GRIA3: variants seen among roughly 807,000 people sequenced by gnomAD.
GRIA3 encodes the protein glutamate receptor 3.
GRIA3 carries 3 observed loss-of-function variants against 63.0 expected under a neutral mutation model. The ratio of observed to expected loss-of-function variants is 0.05; its 90% CI spans 0.02 to 0.12. The LOEUF is 0.12. GRIA3 is among the 10% of genes least tolerant of loss of function. The pLI is 1.00. For missense variants in GRIA3, 347 were observed against 700.9 expected, an observed-to-expected ratio of 0.50 and a Z score of 5.70; for synonymous variants, 274 against 257.9, an observed-to-expected ratio of 1.06 and a Z score of -0.60.
intron 12 of GRIA3, among the ~76,000 whole-genome samples, chrX:123,456,887 C>G (rs1346447136): frequency 9.0e-6 from 1 of 111,359 alleles, no homozygotes; most frequent in African/African-American, 3.3e-5. Context: ...AGGCCCAAAG[C>G]CACCCTTTTG....
At chrX:123,197,800 G>A (rs1927614553) in intron 2 of GRIA3, among the ~76,000 whole-genome samples, 1 of 112,488 alleles carries the variant, frequency 8.9e-6, no homozygotes, top group Admixed American at 9.4e-5. Context: ...CTAGCTGTGA[G>A]ACCTTGGGCA....
At chrX:123,272,760 A>G (rs1483919038) in intron 3 of GRIA3, among the ~76,000 whole-genome samples, 1 of 111,531 alleles carries the variant, frequency 9.0e-6, no homozygotes, top group South Asian at 3.8e-4. Context: ...AAAATTACAC[A>G]CCCGTTCTCT....
At chrX:123,455,301 T>C (rs939406895) in intron 12 of GRIA3, among the ~76,000 whole-genome samples, 3 of 112,062 alleles carry the variant, frequency 2.7e-5, no homozygotes, top group Non-Finnish European at 3.8e-5. Flanking sequence ...CTTCTCTGAA[T>C]GTTAAAAATG....
At chrX:123,189,589 T>A (rs1356823450) in intron 2 of GRIA3, among the ~76,000 whole-genome samples, 3 of 112,801 alleles carry the variant, frequency 2.7e-5, no homozygotes, top group Admixed American at 9.3e-5. Context: ...ATTGCAAAAA[T>A]TGCTGTTGTA....
chrX:123,402,571 C>T (rs1450497371), intron 7 of GRIA3, among the ~76,000 whole-genome samples: 1 of 110,330 alleles, frequency 9.1e-6, no homozygotes, highest in East Asian at 2.9e-4. Flanking sequence ...GTAACAGTGC[C>T]CATGCTGCTG....
chrX:123,475,572 C>T (rs1047319936), intron 13 of GRIA3, among the ~76,000 whole-genome samples: 1 of 111,786 alleles, frequency 8.9e-6, no homozygotes, highest in Non-Finnish European at 1.9e-5. Flanking sequence ...CTAATTTCCA[C>T]GATAGGAATC....
At chrX:123,218,623 C>T (rs5958197) in intron 2 of GRIA3, among the ~76,000 whole-genome samples, 63 of 111,353 alleles carry the variant, frequency 5.7e-4, no homozygotes, top group African/African-American at 1.8e-3. Context: ...ATTACTGTCT[C>T]TTTAATGAGA....
chrX:123,481,792 C>T (rs1363796728), intron 14 of GRIA3, among the ~76,000 whole-genome samples: 1 of 111,818 alleles, frequency 8.9e-6, no homozygotes, highest in African/African-American at 3.3e-5. Context: ...TTCCATTGTT[C>T]AGCAGTTCAG....
rs758890691 is a variant in GRIA3, at chrX:123,377,011, T to C, written c.751-17957T>C. ...GTGCAATGGCGCTATCTCGGCTCAC[T>C]GGAAGCTCCGCCTCCCGGGTTCACG... On this transcript the variant is annotated intron_variant, in intron 5 of 15. Transcript: ENST00000620443. Among the ~76,000 whole-genome samples, 42 of 102,439 alleles carry C rather than the reference T, an allele frequency of 4.1e-4. No individual in the cohort carries two copies. The East Asian group carries it at 9.1e-3, about 22-fold the overall frequency. The allele number at this position is 102,439 out of a possible 115,157, so 89.0% of individuals were successfully genotyped here. A position where few individuals can be genotyped will look rare whatever the true frequency, so the allele number is the denominator to read the frequency against.
chrX:123,280,764 C>A (rs977759523), intron 3 of GRIA3, among the ~76,000 whole-genome samples: 1 of 111,976 alleles, frequency 8.9e-6, no homozygotes, highest in Non-Finnish European at 1.9e-5. Context: ...GGTGAAATTT[C>A]CAATGTGAGA....
rs749190596 is a variant in GRIA3, at chrX:123,313,386, T to C, written c.509-12640T>C. Among the ~76,000 whole-genome samples the C allele has an allele frequency of 2.7e-5, 3 of 111,440 alleles. No individual in the cohort carries two copies. In the East Asian group the frequency reaches 8.5e-4, roughly 32 times the overall value. ...GTATCTTTGGCTCCTCTGTACCCTC[T>C]AGGCAAGAGTTTGCCCTTAATATTA... On this transcript the variant is annotated intron_variant, in intron 3 of 15. Transcript: ENST00000620443.
intron 6 of GRIA3, among the ~76,000 whole-genome samples, chrX:123,398,375 T>C: frequency 9.0e-6 from 1 of 111,537 alleles, no homozygotes; most frequent in Middle Eastern, 4.6e-3. Flanking sequence ...TAACTCAGTA[T>C]AAAAAAGAAA....
intron 3 of GRIA3, among the ~76,000 whole-genome samples, chrX:123,306,682 G>A (rs369225959): frequency 1.5e-4 from 17 of 111,518 alleles, no homozygotes; most frequent in East Asian, 8.5e-4. Flanking sequence ...CATATCTTTC[G>A]AAATGATCAC....
At chrX:123,427,879 G>C in intron 11 of GRIA3, 62 bp from the exon 12 acceptor site, 2 of 783,661 alleles carry the variant, frequency 2.6e-6, no homozygotes, top group Non-Finnish European at 3.9e-6. Flanking sequence ...ATAAAGAAAA[G>C]GATTTCTTAA....
chrX:123,191,823 C>A (rs955006752), intron 2 of GRIA3, among the ~76,000 whole-genome samples: 7 of 110,542 alleles, frequency 6.3e-5, no homozygotes, highest in African/African-American at 2.3e-4. Context: ...AGCTTTATAT[C>A]TAATATAGGT....
intron 12 of GRIA3, among the ~76,000 whole-genome samples, chrX:123,463,666 AAGAAAGAAAGAAAGAAAG>A (rs2045813056): frequency 7.7e-5 from 4 of 51,928 alleles, no homozygotes; most frequent in African/African-American, 2.9e-4. Context: ...GAAAGAAAGA[AAGAAAGAAAGAAAGAAAG>A]AGAGAGAAAG....
At chrX:123,292,983 G>T (rs1252434851) in intron 3 of GRIA3, among the ~76,000 whole-genome samples, 1 of 110,842 alleles carries the variant, frequency 9.0e-6, no homozygotes, top group African/African-American at 3.3e-5. Flanking sequence ...TTATCTGGTT[G>T]GCCTATTGTC....
chrX:123,261,577 G>A (rs1176315214), intron 3 of GRIA3, among the ~76,000 whole-genome samples: 2 of 111,706 alleles, frequency 1.8e-5, no homozygotes, highest in Admixed American at 1.9e-4. Context: ...TCTCTCTTGG[G>A]TTGTCCTTCA....
Position 123,274,354 on chromosome X carries a change from T to C in GRIA3, c.508+20812T>C, listed in dbSNP as rs142391384. Among the ~76,000 whole-genome samples, 331 of 111,931 alleles carry C rather than the reference T, an allele frequency of 3.0e-3. 1 individual carries two copies. The highest frequency in any genetic ancestry group is 9.2e-3 in the African/African-American group (285 of 30,818). On this transcript the variant is annotated intron_variant, in intron 3 of 15. Coordinates refer to ENST00000620443, the MANE Select transcript of GRIA3 (RefSeq NM_007325.5). ...TCTGCTTCCTCATGACACTTGCTTG[T>C]GACCAATCCTATAGCATGGAACACT...
Sources: gnomAD v4.1 joint callset for allele counts (sites outside exome capture counted in the v4.1 genomes callset) on GRCh38, gnomAD v4.1.1 for gene constraint, MANE v1.5 for transcripts, NCBI Gene and HGNC (gene_info 2026-07-23, HGNC 2026-07-21) for gene names.